The following SNX13 variants were observed in gnomAD, a reference collection of about 807,000 sequenced individuals.
SNX13 encodes the protein sorting nexin-13.
In SNX13, 45 loss-of-function variants were observed where a neutral mutation model predicts 133.6. The ratio of observed to expected loss-of-function variants is 0.34; its 90% CI spans 0.27 to 0.43. SNX13 has a LOEUF of 0.43. Ranked by LOEUF, SNX13 falls within the 20% of genes least tolerant of loss-of-function variation. The probability of loss-of-function intolerance (pLI) is 1.00; values close to 1 mark genes in which losing one functional copy is unlikely to be tolerated. For missense variants in SNX13, 1,032 were observed against 1,145.1 expected, an observed-to-expected ratio of 0.90 and a Z score of 1.43; for synonymous variants, 414 against 373.9, an observed-to-expected ratio of 1.11 and a Z score of -1.24.
intron 1 of SNX13, among the ~76,000 whole-genome samples, chr7:17,936,487 C>T (rs1399695811): frequency 2.0e-5 from 3 of 152,120 alleles, no homozygotes; most frequent in Non-Finnish European, 2.9e-5. Context: ...AATAGCTACA[C>T]TGTTTATTAT....
chr7:17,799,268 T>A, intron 22 of SNX13, 114 bp from the exon 23 acceptor site: 4 of 871,576 alleles, frequency 4.6e-6, no homozygotes, highest in Non-Finnish European at 4.9e-6. Context: ...ACAAGTTACA[T>A]TTTAGCCTTT....
At chr7:17,873,715 T>C in intron 7 of SNX13, 99 bp from the exon 8 acceptor site, 1 of 611,134 alleles carries the variant, frequency 1.6e-6, no homozygotes, top group Non-Finnish European at 2.6e-6. Context: ...AAATAACCAG[T>C]TCCCTGGTTA....
intron 5 of SNX13, among the ~76,000 whole-genome samples, chr7:17,886,254 G>T (rs1049245623): frequency 2.6e-5 from 4 of 151,962 alleles, no homozygotes; most frequent in African/African-American, 9.7e-5. Flanking sequence ...CTTCAGTTAG[G>T]AACACAGTGG....
At chr7:17,803,646 C>T in intron 20 of SNX13, 66 bp from the exon 21 acceptor site, 2 of 1,424,058 alleles carry the variant, frequency 1.4e-6, no homozygotes, top group Non-Finnish European at 9.5e-7. Flanking sequence ...AATGACAAGC[C>T]TTGGAAAATA....
intron 9 of SNX13, among the ~76,000 whole-genome samples, chr7:17,851,454 C>T (rs1347087187): frequency 6.6e-6 from 1 of 152,058 alleles, no homozygotes; most frequent in African/African-American, 2.4e-5. Flanking sequence ...AAAAAAGGAC[C>T]AGTTAATAAG....
intron 18 of SNX13, among the ~76,000 whole-genome samples, chr7:17,820,189 A>G (rs1217812721): frequency 6.6e-6 from 1 of 152,160 alleles, no homozygotes; most frequent in African/African-American, 2.4e-5. Flanking sequence ...ACAACTATTT[A>G]CACAATAAAA....
intron 1 of SNX13, among the ~76,000 whole-genome samples, chr7:17,913,935 C>G (rs959506629): frequency 4.0e-5 from 6 of 151,656 alleles, no homozygotes; most frequent in African/African-American, 1.5e-4. Context: ...GTATAAAATT[C>G]AGAATATATA....
intron 18 of SNX13, among the ~76,000 whole-genome samples, 198 bp from the exon 19 acceptor site, chr7:17,816,487 C>T (rs1786680370): frequency 6.6e-6 from 1 of 152,130 alleles, no homozygotes; most frequent in Non-Finnish European, 1.5e-5. Context: ...CATAGAGAGA[C>T]CCTGTCTCTA....
chr7:17,892,290 T>C (rs967912479), intron 3 of SNX13, among the ~76,000 whole-genome samples: 37 of 152,188 alleles, frequency 2.4e-4, no homozygotes, highest in African/African-American at 7.9e-4. Context: ...AATCATATTT[T>C]AGAAATAGCA....
intron 12 of SNX13, among the ~76,000 whole-genome samples, chr7:17,841,627 C>T (rs1402309389): frequency 1.3e-5 from 2 of 149,334 alleles, no homozygotes; most frequent in Non-Finnish European, 3.0e-5. Flanking sequence ...CAAGTGTGGC[C>T]CATTCAAAGA....
chr7:17,834,953 T>C (rs1788968955), intron 13 of SNX13, 88 bp from the exon 14 acceptor site: 2 of 777,022 alleles, frequency 2.6e-6, no homozygotes, highest in Admixed American at 3.0e-5. Flanking sequence ...AATCATATTA[T>C]TGAAAATAAC....
chr7:17,825,396 T>C (rs1340449472), intron 17 of SNX13, among the ~76,000 whole-genome samples: 2 of 152,154 alleles, frequency 1.3e-5, no homozygotes, highest in Admixed American at 6.6e-5. Context: ...GTATGTAATA[T>C]GACAAACACA....
intron 20 of SNX13, among the ~76,000 whole-genome samples, chr7:17,810,137 G>A (rs189802016): frequency 6.6e-6 from 1 of 152,028 alleles, no homozygotes; most frequent in Non-Finnish European, 1.5e-5. Context: ...AACTGAAGGA[G>A]ATAGAGACAC....
intron 20 of SNX13, 112 bp downstream of exon 20, chr7:17,814,722 A>C (rs1310679285): frequency 1.2e-6 from 1 of 867,762 alleles, no homozygotes; most frequent in East Asian, 3.4e-5. Flanking sequence ...AACTTAATAA[A>C]ATTTTCTAGT....
chr7:17,882,490 A>T (rs1795460799), intron 5 of SNX13: 1 of 152,230 alleles, frequency 6.6e-6, no homozygotes, highest in African/African-American at 2.4e-5. Context: ...CTTTCTGATC[A>T]TTTAGAAATA....
chr7:17,912,750 G>A (rs765941276), intron 1 of SNX13, among the ~76,000 whole-genome samples: 2 of 152,112 alleles, frequency 1.3e-5, no homozygotes, highest in Non-Finnish European at 1.5e-5. Flanking sequence ...TGCAAAGTAA[G>A]TCACTGTTTG....
At chr7:17,797,015 T>C in intron 24 of SNX13, 76 bp from the exon 25 acceptor site, 1 of 1,120,696 alleles carries the variant, frequency 8.9e-7, no homozygotes, top group Non-Finnish European at 1.3e-6. Flanking sequence ...TTATTTCAAA[T>C]TTCTACAGAA....
intron 1 of SNX13, among the ~76,000 whole-genome samples, chr7:17,908,947 T>C (rs1042200462): frequency 6.6e-6 from 1 of 152,004 alleles, no homozygotes; most frequent in African/African-American, 2.4e-5. Flanking sequence ...TATAAGGATA[T>C]AGCCAGGTGA....
chr7:17,918,770 A>C (rs1424023005), intron 1 of SNX13, among the ~76,000 whole-genome samples: 1 of 152,234 alleles, frequency 6.6e-6, no homozygotes, highest in Non-Finnish European at 1.5e-5. Context: ...CCAAAAGAAA[A>C]TGAATCTTTC....
Sources: gnomAD v4.1 joint callset for allele counts (sites outside exome capture counted in the v4.1 genomes callset) on GRCh38, gnomAD v4.1.1 for gene constraint, MANE v1.5 for transcripts, NCBI Gene and HGNC (gene_info 2026-07-23, HGNC 2026-07-21) for gene names.